Variants in FAM83B observed in about 807,000 individuals in gnomAD.
FAM83B encodes scaffolding CK1 anchoring protein B.
Under a neutral mutation model 38.8 loss-of-function variants are expected in FAM83B, and 26 were observed. That is an observed-to-expected ratio of 0.67 (90% confidence interval 0.49 to 0.93). The LOEUF (loss-of-function observed/expected upper bound fraction) is 0.93, where lower values mean the gene tolerates loss of function less well. Among genes scored for constraint, FAM83B ranks in the 40% least tolerant of loss-of-function variants. The pLI is 0.00. For synonymous variants in FAM83B, 419 were observed against 423.1 expected (o/e 0.99, Z 0.12); for missense variants, 1,237 against 1,197.3 (o/e 1.03, Z -0.49).
intron 2 of FAM83B, among the ~76,000 whole-genome samples, chr6:54,894,579 A>T (rs1772475853): frequency 6.6e-6 from 1 of 152,322 alleles, no homozygotes; most frequent in Middle Eastern, 3.4e-3. Flanking sequence ...AATCTATGCC[A>T]TCTTAGGGAA....
intron 1 of FAM83B, among the ~76,000 whole-genome samples, chr6:54,862,255 G>T (rs772622583): frequency 6.6e-6 from 1 of 152,198 alleles, no homozygotes; most frequent in Admixed American, 6.5e-5. Context: ...GTTTTGAGAG[G>T]CTATAGATCT....
chr6:54,921,362 T>C (rs555007147), intron 2 of FAM83B, among the ~76,000 whole-genome samples: 1 of 151,962 alleles, frequency 6.6e-6, no homozygotes, highest in South Asian at 2.1e-4. Flanking sequence ...GTAGGTGTCC[T>C]CCGGGGTCTG....
rs773731311 is a variant in FAM83B at position 54,872,454 on chromosome 6, A to G, written c.444+1764A>G. ...TGACATGATATGCTTTTGAAGCACAATGTTAACAGGAAATTGAAATCCATT... is the reference window on the plus strand; with the variant it reads ...TGACATGATATGCTTTTGAAGCACAGTGTTAACAGGAAATTGAAATCCATT... On this transcript the variant is annotated intron_variant, in intron 2 of 4. Transcript: ENST00000306858. Among the ~76,000 whole-genome samples, 5 of 152,338 alleles carry G rather than the reference A, an allele frequency of 3.3e-5. No individual in the cohort carries two copies. The East Asian group carries it at 9.6e-4, about 29-fold the overall frequency.
At chr6:54,934,400 G>T (rs1034120746) in intron 4 of FAM83B, among the ~76,000 whole-genome samples, 1 of 152,162 alleles carries the variant, frequency 6.6e-6, no homozygotes, top group Admixed American at 6.6e-5. Context: ...ACAGCTGAAT[G>T]ATAGACTGGG....
intron 2 of FAM83B, among the ~76,000 whole-genome samples, chr6:54,877,538 C>G (rs952041528): frequency 6.6e-6 from 1 of 152,178 alleles, no homozygotes; most frequent in Non-Finnish European, 1.5e-5. Flanking sequence ...TTCAAATTAT[C>G]TTGTAAAAAG....
At chr6:54,939,512 A>C (rs1773604369) in intron 4 of FAM83B, among the ~76,000 whole-genome samples, 194 bp from the exon 5 acceptor site, 1 of 152,152 alleles carries the variant, frequency 6.6e-6, no homozygotes, top group South Asian at 2.1e-4. Flanking sequence ...CCAAAATTTG[A>C]GTTGCGTTGT....
At chr6:54,928,001 C>T (rs1414618804) in intron 4 of FAM83B, among the ~76,000 whole-genome samples, 1 of 152,128 alleles carries the variant, frequency 6.6e-6, no homozygotes, top group Non-Finnish European at 1.5e-5. Flanking sequence ...AAGCTATTTA[C>T]CACTTTAAGT....
intron 2 of FAM83B, among the ~76,000 whole-genome samples, chr6:54,884,299 TA>T (rs70983475): frequency 9.2e-4 from 76 of 82,276 alleles, no homozygotes; most frequent in Middle Eastern, 8.2e-3. Flanking sequence ...AGACCCCGTC[TA>T]AAAAAAAAAA....
At chr6:54,917,433 C>T (rs1773070408) in intron 2 of FAM83B, among the ~76,000 whole-genome samples, 1 of 152,054 alleles carries the variant, frequency 6.6e-6, no homozygotes, top group Non-Finnish European at 1.5e-5. Context: ...TTTAAATGTT[C>T]CCTTCCCAAT....
chr6:54,927,728 T>TAAAAAAAAAAA (rs1049777485), intron 4 of FAM83B, 96 bp downstream of exon 4: 6 of 98,940 alleles, frequency 6.1e-5, no homozygotes, highest in Non-Finnish European at 7.8e-5. Context: ...TTCTTAAAAG[T>TAAAAAAAAAAA]AAAAAAAAAA....
In FAM83B at chr6:54,870,204, A is replaced by G. The variant is rs1196394459; in HGVS notation, c.-43A>G. 1 of 1,480,946 alleles carries G rather than the reference A, an allele frequency of 6.8e-7. No homozygotes were observed. Among genetic ancestry groups the G allele is most frequent in the East Asian group, 2.3e-5 (1 of 43,974 alleles). 91.7% of individuals were successfully genotyped at this position (1,480,946 alleles called of 1,614,324 possible). ...AATACCAGATACTTCTCACCACTGC[A>G]TGAATGGACATTTGAAAGTGCCATA... On this transcript the variant is annotated 5_prime_UTR_variant, in exon 2 of 5. An upstream start codon of the reference 5' UTR is lost. Coordinates refer to ENST00000306858, the MANE Select transcript of FAM83B (RefSeq NM_001010872.3).
At chr6:54,877,319 G>A (rs1038561592) in intron 2 of FAM83B, among the ~76,000 whole-genome samples, 2 of 151,078 alleles carry the variant, frequency 1.3e-5, no homozygotes, top group African/African-American at 4.9e-5. Context: ...AAAATAAGGG[G>A]ATATTACTTT....
intron 4 of FAM83B, among the ~76,000 whole-genome samples, chr6:54,937,291 G>C (rs1773542720): frequency 6.6e-6 from 1 of 151,898 alleles, no homozygotes; most frequent in African/African-American, 2.4e-5. Context: ...GAATTTTAAA[G>C]GTAGCTGTTA....
At chr6:54,902,930 C>T (rs1368147693) in intron 2 of FAM83B, among the ~76,000 whole-genome samples, 1 of 152,112 alleles carries the variant, frequency 6.6e-6, no homozygotes, top group Non-Finnish European at 1.5e-5. Flanking sequence ...GATTTATACA[C>T]TTTATTTTCA....
intron 2 of FAM83B, among the ~76,000 whole-genome samples, chr6:54,897,564 C>G (rs1772568664): frequency 6.6e-6 from 1 of 152,036 alleles, no homozygotes; most frequent in African/African-American, 2.4e-5. Flanking sequence ...AACGTAGAAA[C>G]CTGACTATTA....
chr6:54,908,100 A>G lies in FAM83B; in HGVS notation c.445-18271A>G, dbSNP rs1452572153. Among the ~76,000 whole-genome samples the G allele has an allele frequency of 2.0e-5, 3 of 151,168 alleles. No individual in the cohort carries two copies. In the East Asian group the frequency reaches 5.9e-4, roughly 30 times the overall value. On this transcript the variant is annotated intron_variant, in intron 2 of 4. Coordinates refer to ENST00000306858, the MANE Select transcript of FAM83B (RefSeq NM_001010872.3). ...TGTTGCTGTCTAATTTGTTGACCAA[A>G]TGGAGATTTCTGCCTTCTTGGGATT...
At chr6:54,927,079 A>C (rs79969826) in intron 3 of FAM83B, among the ~76,000 whole-genome samples, 4,175 of 152,194 alleles carry the variant, frequency 0.027, 93 homozygotes, top group Non-Finnish European at 0.046. Flanking sequence ...TATTTAATAC[A>C]TCAGTTTTGC....
chr6:54,875,854 G>A (rs932610230), intron 2 of FAM83B, among the ~76,000 whole-genome samples: 12 of 152,174 alleles, frequency 7.9e-5, no homozygotes, highest in Non-Finnish European at 1.8e-4. Context: ...CAATTGCTGT[G>A]TCTGTATGGC....
intron 2 of FAM83B, among the ~76,000 whole-genome samples, chr6:54,877,955 T>G (rs993289296): frequency 3.3e-5 from 5 of 152,184 alleles, no homozygotes; most frequent in African/African-American, 9.6e-5. Flanking sequence ...AAAAGTATCA[T>G]GTGGTTGTTA....
Sources: allele counts gnomAD v4.1 joint callset (sites outside exome capture counted in the v4.1 genomes callset), GRCh38; gene constraint gnomAD v4.1.1; transcripts MANE v1.5; gene names NCBI Gene and HGNC (gene_info 2026-07-23, HGNC 2026-07-21).